The following LRFN5 variants were observed in gnomAD, a reference collection of about 807,000 sequenced individuals.
LRFN5 encodes leucine rich repeat and fibronectin type III domain containing 5.
LRFN5 carries 24 observed loss-of-function variants against 45.6 expected under a neutral mutation model. The ratio of observed to expected loss-of-function variants is 0.53; its 90% confidence interval spans 0.38 to 0.74. The LOEUF (loss-of-function observed/expected upper bound fraction) is 0.74, where lower values mean the gene tolerates loss of function less well. Among genes scored for constraint, LRFN5 ranks in the 30% least tolerant of loss-of-function variants. The pLI, the probability that LRFN5 is intolerant of heterozygous loss-of-function variation, is 0.00. For synonymous variants in LRFN5, 340 were observed against 313.8 expected (o/e 1.08, Z -0.88); for missense variants, 776 against 861.5 (o/e 0.90, Z 1.24).
At chr14:41,626,277 G>A (rs570605387) in intron 1 of LRFN5, among the ~76,000 whole-genome samples, 6 of 152,128 alleles carry the variant, frequency 3.9e-5, no homozygotes, top group African/African-American at 1.2e-4. Flanking sequence ...TTACTGTGCT[G>A]TTAAATATGT....
At chr14:41,610,249 C>A (rs1887693048) in intron 1 of LRFN5, 1 of 152,186 alleles carries the variant, frequency 6.6e-6, no homozygotes, top group African/African-American at 2.4e-5. Flanking sequence ...CCTGCAAAAC[C>A]TTTCTCTCTC....
chr14:41,736,514 G>T (rs1307208159), intron 1 of LRFN5, among the ~76,000 whole-genome samples: 1 of 152,082 alleles, frequency 6.6e-6, no homozygotes, highest in Non-Finnish European at 1.5e-5. Context: ...CAGATGGATA[G>T]ATTGCAAAAA....
In LRFN5 at chr14:41,891,429, C is replaced by A; in HGVS notation, c.1565C>A (p.Ser522Tyr). 1 of 1,614,054 alleles carries A rather than the reference C, an allele frequency of 6.2e-7. No homozygotes were observed. The highest frequency in any genetic ancestry group is 8.5e-7 in the Non-Finnish European group (1 of 1,180,020). ...TATGTGCGTTGCCATTTCATGCAGT[C>A]TCAGTTTTTGGGAGGCACCATGATT... ...QDYVRCHFMQSQFLGGTMIII... is the reference protein window; with the variant it reads ...QDYVRCHFMQYQFLGGTMIII... The change falls in exon 4 of 6, where the codon TCT becomes TAT. Residue 522 changes from serine to tyrosine, a missense_variant. By Grantham distance (144) the Ser-to-Tyr change is moderately radical. Transcript: ENST00000298119.
At chr14:41,761,877 G>T (rs540754549) in intron 1 of LRFN5, among the ~76,000 whole-genome samples, 1 of 152,014 alleles carries the variant, frequency 6.6e-6, no homozygotes, top group South Asian at 2.1e-4. Context: ...TCTGGGCCTG[G>T]TTTTACATTT....
At chr14:41,860,142 A>G (rs186042819) in intron 2 of LRFN5, among the ~76,000 whole-genome samples, 3 of 152,298 alleles carry the variant, frequency 2.0e-5, no homozygotes, top group East Asian at 1.9e-4. Context: ...CAGAATTCCT[A>G]CTATAGTCCA....
chr14:41,668,531 GC>G (rs1881015770), intron 1 of LRFN5, among the ~76,000 whole-genome samples: 1 of 151,854 alleles, frequency 6.6e-6, no homozygotes, highest in Admixed American at 6.6e-5. Flanking sequence ...TCCTGGGTCA[GC>G]AAAATCCTCT....
At chr14:41,692,717 C>A (rs1882434341) in intron 1 of LRFN5, among the ~76,000 whole-genome samples, 1 of 152,072 alleles carries the variant, frequency 6.6e-6, no homozygotes, top group African/African-American at 2.4e-5. Flanking sequence ...TTTGAAAAGC[C>A]TATGTTTTTA....
chr14:41,832,554 A>T (rs1387157759), intron 2 of LRFN5, among the ~76,000 whole-genome samples: 1 of 152,196 alleles, frequency 6.6e-6, no homozygotes, highest in African/African-American at 2.4e-5. Context: ...AATTTTCACT[A>T]GAGGGTCATT....
At chr14:41,762,651 C>G (rs544959014) in intron 1 of LRFN5, among the ~76,000 whole-genome samples, 14 of 152,052 alleles carry the variant, frequency 9.2e-5, no homozygotes, top group African/African-American at 3.4e-4. Flanking sequence ...AATTATTTTT[C>G]AAGTCATTTG....
At chr14:41,847,628 T>C (rs990512476) in intron 2 of LRFN5, among the ~76,000 whole-genome samples, 1 of 152,232 alleles carries the variant, frequency 6.6e-6, no homozygotes. Context: ...TTCAGAATTA[T>C]TACCCTTCTT....
intron 2 of LRFN5, among the ~76,000 whole-genome samples, chr14:41,774,425 G>C (rs1457709881): frequency 6.6e-6 from 1 of 152,140 alleles, no homozygotes; most frequent in Non-Finnish European, 1.5e-5. Flanking sequence ...AACATTGGCA[G>C]TCTCTACAAA....
At chr14:41,647,460 T>G (rs1250779383) in intron 1 of LRFN5, among the ~76,000 whole-genome samples, 1 of 152,138 alleles carries the variant, frequency 6.6e-6, no homozygotes, top group African/African-American at 2.4e-5. Context: ...AGGTGGGATG[T>G]AGGTACGTCA....
At chr14:41,651,439 T>G (rs1009621714) in intron 1 of LRFN5, among the ~76,000 whole-genome samples, 8 of 152,118 alleles carry the variant, frequency 5.3e-5, no homozygotes, top group Non-Finnish European at 2.9e-5. Context: ...TAAATTTTGA[T>G]GTACACTTAC....
intron 1 of LRFN5, among the ~76,000 whole-genome samples, chr14:41,703,006 A>G (rs1460092408): frequency 6.6e-6 from 1 of 152,098 alleles, no homozygotes; most frequent in Non-Finnish European, 1.5e-5. Flanking sequence ...GACAATTATT[A>G]AAAGATCCTT....
At chr14:41,903,026 T>G (rs1258932380) in intron 5 of LRFN5, among the ~76,000 whole-genome samples, 2 of 151,664 alleles carry the variant, frequency 1.3e-5, no homozygotes, top group Non-Finnish European at 3.0e-5. Context: ...AAGTAATTCT[T>G]TTTTTACAAA....
At chr14:41,879,160 T>C (rs1251411017) in intron 2 of LRFN5, among the ~76,000 whole-genome samples, 1 of 152,032 alleles carries the variant, frequency 6.6e-6, no homozygotes, top group Non-Finnish European at 1.5e-5. Flanking sequence ...AAAAAGTAAA[T>C]CAAGCTATGA....
intron 1 of LRFN5, among the ~76,000 whole-genome samples, chr14:41,611,997 T>A (rs1481577749): frequency 6.6e-6 from 1 of 152,182 alleles, no homozygotes; most frequent in Non-Finnish European, 1.5e-5. Flanking sequence ...GATCTTCATA[T>A]GTTATATCAT....
intron 1 of LRFN5, among the ~76,000 whole-genome samples, chr14:41,650,855 C>T (rs1566603769): frequency 8.2e-6 from 1 of 121,240 alleles, no homozygotes; most frequent in Non-Finnish European, 1.6e-5. Context: ...ACATGTAATG[C>T]AATCTCATTA....
At chr14:41,689,616 C>T (rs538622118) in intron 1 of LRFN5, among the ~76,000 whole-genome samples, 4 of 151,966 alleles carry the variant, frequency 2.6e-5, no homozygotes, top group Non-Finnish European at 5.9e-5. Flanking sequence ...AATTACTGGC[C>T]GGGCGCGGTG....
Sources: allele counts gnomAD v4.1 joint callset (sites outside exome capture counted in the v4.1 genomes callset), GRCh38; gene constraint gnomAD v4.1.1; transcripts MANE v1.5; gene names NCBI Gene and HGNC (gene_info 2026-07-23, HGNC 2026-07-21).